The following HEATR5B variants were observed in gnomAD, a reference collection of about 807,000 sequenced individuals.
HEATR5B encodes HEAT repeat containing 5B.
In HEATR5B, 156 loss-of-function variants were observed where a neutral mutation model predicts 224.1. That is an observed-to-expected ratio of 0.70 (90% CI 0.61 to 0.80). HEATR5B has a LOEUF of 0.80. Among genes scored for constraint, HEATR5B ranks in the 30% least tolerant of loss-of-function variants. The pLI, the probability that HEATR5B is intolerant of heterozygous loss-of-function variation, is 0.00. For missense variants in HEATR5B, 2,323 were observed against 2,535.5 expected (o/e 0.92, Z 1.80); for synonymous variants, 1,027 against 893.0 (o/e 1.15, Z -2.68).
intron 25 of HEATR5B, 128 bp downstream of exon 25, chr2:37,020,527 A>G (rs900738731): frequency 1.8e-6 from 1 of 568,012 alleles, no homozygotes; most frequent in African/African-American, 1.9e-5. Context: ...GACAATGGAG[A>G]TAAAGAGATG....
intron 35 of HEATR5B, among the ~76,000 whole-genome samples, chr2:36,984,892 T>G (rs1401804134): frequency 6.6e-6 from 1 of 152,130 alleles, no homozygotes; most frequent in Non-Finnish European, 1.5e-5. Flanking sequence ...AAGAATAAGG[T>G]GCAAGTTTCT....
intron 2 of HEATR5B, among the ~76,000 whole-genome samples, chr2:37,082,370 A>T (rs1467997319): frequency 1.3e-5 from 2 of 152,036 alleles, no homozygotes; most frequent in African/African-American, 4.8e-5. Flanking sequence ...GTGAACCACC[A>T]TGCCGGGCCA....
At chr2:37,074,117 C>T (rs1356447293) in intron 5 of HEATR5B, among the ~76,000 whole-genome samples, 2 of 151,864 alleles carry the variant, frequency 1.3e-5, no homozygotes, top group South Asian at 2.1e-4. Flanking sequence ...GTCAGGAGAT[C>T]GAGACCATCC....
intron 27 of HEATR5B, among the ~76,000 whole-genome samples, chr2:37,012,773 C>T (rs1173939380): frequency 6.6e-6 from 1 of 152,168 alleles, no homozygotes; most frequent in East Asian, 1.9e-4. Flanking sequence ...TTCACACAGT[C>T]TCCTCCTCAC....
At chr2:37,009,278 A>AG (rs1412805678) in intron 27 of HEATR5B, among the ~76,000 whole-genome samples, 1 of 145,310 alleles carries the variant, frequency 6.9e-6, no homozygotes, top group African/African-American at 2.7e-5. Context: ...AAAAAAAAAA[A>AG]AAGAAGAAAG....
chr2:37,053,535 A>C lies in HEATR5B; in HGVS notation c.2472T>G (p.Leu824=). ...AKGVRQQAVQ[L]NIFTAVLSAL... is the part of the protein sequence containing the mutation. The stretch of plus-strand genomic sequence containing the variant: ...CACTAAGAACAGCAGTAAATATGTT[A>C]AGCTGCACAGCCTGCTGGCGGACAC... Residue 824 remains leucine (L), a synonymous_variant, in exon 17 of 36, where the codon CTT becomes CTG. Transcript: ENST00000233099. The C allele has an allele frequency of 1.9e-6, 3 of 1,608,948 alleles. No individual in the cohort carries two copies. The highest frequency in any genetic ancestry group is 2.6e-6 in the Non-Finnish European group (3 of 1,176,066).
chr2:36,997,022 C>G (rs1019599223), intron 33 of HEATR5B, among the ~76,000 whole-genome samples: 3 of 152,146 alleles, frequency 2.0e-5, no homozygotes, highest in Non-Finnish European at 4.4e-5. Context: ...CGTTTGGCCT[C>G]TTTCTTCTTT....
intron 1 of HEATR5B, among the ~76,000 whole-genome samples, chr2:37,083,806 T>C (rs1484644858): frequency 6.6e-6 from 1 of 152,182 alleles, no homozygotes; most frequent in Non-Finnish European, 1.5e-5. Context: ...CATCCTCCTC[T>C]TTTTCTCGTC....
intron 11 of HEATR5B, 88 bp from the exon 12 acceptor site, chr2:37,060,821 T>C (rs1214687659): frequency 2.8e-6 from 3 of 1,079,706 alleles, no homozygotes; most frequent in African/African-American, 1.6e-5. Context: ...ACACAAACTT[T>C]ATGTAATTTT....
At chr2:37,070,518 C>T in intron 6 of HEATR5B, 131 bp from the exon 7 acceptor site, 1 of 716,420 alleles carries the variant, frequency 1.4e-6, no homozygotes. Flanking sequence ...TAATTGTTTT[C>T]TTAAAATTTT....
rs187302894 is a variant in HEATR5B, at chr2:37,084,326, G to A, written c.-80C>T. On this transcript the variant is annotated 5_prime_UTR_variant, in exon 1 of 36. Transcript: ENST00000233099. ...CCGGGGGTAGAAGCAGCCACCAAGA[G>A]ACCCGGATGCCCCACCTCCCGCACT... 4 of 406,962 alleles carry A rather than the reference G, an allele frequency of 9.8e-6. No homozygotes were observed. Among genetic ancestry groups the A allele is most frequent in the Admixed American group, 8.8e-5 (2 of 22,696 alleles). The allele number at this position is 406,962 out of a possible 1,614,324, so 25.2% of individuals were successfully genotyped here.
intron 26 of HEATR5B, among the ~76,000 whole-genome samples, chr2:37,018,652 A>G (rs137898717): frequency 2.1e-3 from 316 of 152,336 alleles, no homozygotes; most frequent in South Asian, 9.5e-3. Flanking sequence ...TTCTCTGCAT[A>G]GAGGTCACAT....
rs1006508614 is a variant in HEATR5B at position 37,032,753 on chromosome 2, A to G, written c.3237T>C (p.His1079=). ...PSLCVHLCSS[H]LLLRRAAVAC... is the part of the protein sequence containing the mutation. ...CCACAGCTGCTCGTCGAAGTAACAAATGGGAACTACATAAGTGAACCTGTA... is the reference window on the plus strand; with the variant it reads ...CCACAGCTGCTCGTCGAAGTAACAAGTGGGAACTACATAAGTGAACCTGTA... The change falls in exon 22 of 36, where the codon CAT becomes CAC. Residue 1079 remains histidine, a synonymous_variant. Transcript: ENST00000233099. 6.2e-7 allele frequency: 1 copy of G among 1,613,836 alleles called. No homozygotes were observed. Among genetic ancestry groups the G allele is most frequent in the African/African-American group, 1.3e-5 (1 of 74,912 alleles).
At chr2:37,052,186 T>C (rs1290888787) in intron 17 of HEATR5B, among the ~76,000 whole-genome samples, 2 of 151,068 alleles carry the variant, frequency 1.3e-5, no homozygotes, top group Non-Finnish European at 2.9e-5. Flanking sequence ...CACTGAATAA[T>C]ATAAAAAGTA....
At chr2:37,034,612 CAAAAAAAA>C (rs772823865) in intron 21 of HEATR5B, among the ~76,000 whole-genome samples, 1,179 of 30,508 alleles carry the variant, frequency 0.039, 19 homozygotes, top group Non-Finnish European at 0.053. Flanking sequence ...GACTCTGTCT[CAAAAAAAA>C]AAAAAAAAAA....
chr2:37,038,659 G>A lies in HEATR5B; in HGVS notation c.3047-635C>T, dbSNP rs186417182. On this transcript the variant is annotated intron_variant, in intron 20 of 35. Coordinates refer to ENST00000233099, the MANE Select transcript of HEATR5B (RefSeq NM_019024.3). The stretch of plus-strand genomic sequence containing the variant: ...AAGAGGACAATGGGTCTAAGCAAGC[G>A]GCTTATTTAAATCACCTGTTTTTCC... 2.6e-5 allele frequency among the ~76,000 whole-genome samples: 4 copies of A among 152,190 alleles called. No homozygotes were observed. In the East Asian group the frequency reaches 5.8e-4, roughly 22 times the overall value.
At chr2:36,996,579 G>T (rs1332479379) in intron 33 of HEATR5B, among the ~76,000 whole-genome samples, 1 of 151,726 alleles carries the variant, frequency 6.6e-6, no homozygotes, top group Non-Finnish European at 1.5e-5. Context: ...ACCATGCCCG[G>T]CTAATTTTTG....
chr2:37,036,431 A>G (rs1669478453), intron 21 of HEATR5B, among the ~76,000 whole-genome samples: 1 of 152,140 alleles, frequency 6.6e-6, no homozygotes, highest in African/African-American at 2.4e-5. Flanking sequence ...CTTCCTGTCT[A>G]AAAGTAAATG....
chr2:37,065,769 TGAATAAGAGGG>T lies in HEATR5B; in HGVS notation c.1308_1318del (p.Pro437ArgfsTer65). On this transcript the variant is annotated frameshift_variant, in exon 9 of 36. Coordinates refer to ENST00000233099, the MANE Select transcript of HEATR5B (RefSeq NM_019024.3). LOFTEE classifies it high-confidence loss of function. ...GAATGTCATACCTATAGATGCTTCT[TGAATAAGAGGG>T]GATGCGGTGGCATTCAAGCTCTGCA... 6.2e-7 allele frequency: 1 copy of T among 1,613,352 alleles called. No homozygotes were observed. The highest frequency in any genetic ancestry group is 8.5e-7 in the Non-Finnish European group (1 of 1,179,500).
Sources: gnomAD v4.1 joint callset for allele counts (sites outside exome capture counted in the v4.1 genomes callset) on GRCh38, gnomAD v4.1.1 for gene constraint, MANE v1.5 for transcripts, NCBI Gene and HGNC (gene_info 2026-07-23, HGNC 2026-07-21) for gene names.